GATAD2B: variants seen among roughly 807,000 people sequenced by gnomAD.
GATAD2B encodes GATA zinc finger domain containing 2B.
Under a neutral mutation model 64.3 loss-of-function variants are expected in GATAD2B, and 8 were observed. The ratio of observed to expected loss-of-function variants is 0.12; its 90% CI spans 0.07 to 0.22. The LOEUF (loss-of-function observed/expected upper bound fraction) is 0.22, where lower values mean the gene tolerates loss of function less well. Among genes scored for constraint, GATAD2B ranks in the 10% least tolerant of loss-of-function variants. The probability of loss-of-function intolerance (pLI) is 1.00; values close to 1 mark genes in which losing one functional copy is unlikely to be tolerated. For synonymous variants in GATAD2B, 281 were observed against 271.3 expected, an observed-to-expected ratio of 1.04 and a Z score of -0.35; for missense variants, 453 against 752.0, an observed-to-expected ratio of 0.60 and a Z score of 4.65.
chr1:153,902,993 G>T lies in GATAD2B; in HGVS notation c.-2+19740C>A, dbSNP rs1281182864. The stretch of plus-strand genomic sequence containing the variant: ...AGGACTTGGGGAGGCCGAGGCAGAG[G>T]GATCACAAGGTCAGGAGATTGAGAC... On this transcript the variant is annotated intron_variant, in intron 1 of 10. Coordinates refer to ENST00000368655, the MANE Select transcript of GATAD2B (RefSeq NM_020699.4). Among the ~76,000 whole-genome samples, 3 of 152,196 alleles carry T rather than the reference G, an allele frequency of 2.0e-5. No homozygotes were observed. The East Asian group carries it at 5.8e-4, about 29-fold the overall frequency.
chr1:153,879,606 T>C (rs1676945712), intron 1 of GATAD2B, among the ~76,000 whole-genome samples: 1 of 151,364 alleles, frequency 6.6e-6, no homozygotes, highest in South Asian at 2.1e-4. Flanking sequence ...CTACTAAAAA[T>C]ACAAAAATTA....
At chr1:153,898,211 A>T (rs1677658470) in intron 1 of GATAD2B, among the ~76,000 whole-genome samples, 1 of 148,858 alleles carries the variant, frequency 6.7e-6, no homozygotes, top group African/African-American at 2.5e-5. Flanking sequence ...GAGGCTAAGG[A>T]GAGAGAGGAT....
intron 1 of GATAD2B, among the ~76,000 whole-genome samples, chr1:153,859,694 A>G (rs556240114): frequency 6.6e-5 from 10 of 151,856 alleles, no homozygotes; most frequent in Non-Finnish European, 8.8e-5. Context: ...AAAAAAAAAA[A>G]AGACCATAGA....
At chr1:153,904,251 G>A (rs921365076) in intron 1 of GATAD2B, among the ~76,000 whole-genome samples, 3 of 151,770 alleles carry the variant, frequency 2.0e-5, no homozygotes, top group Non-Finnish European at 4.4e-5. Context: ...CTACACTCCA[G>A]CCTGGGTGAA....
chr1:153,871,749 G>C (rs1265032605), intron 1 of GATAD2B, among the ~76,000 whole-genome samples: 1 of 152,036 alleles, frequency 6.6e-6, no homozygotes, highest in Non-Finnish European at 1.5e-5. Flanking sequence ...GGGATTACAG[G>C]CATGAGACAC....
chr1:153,850,785 G>C (rs554908094), intron 1 of GATAD2B, among the ~76,000 whole-genome samples: 1 of 152,068 alleles, frequency 6.6e-6, no homozygotes, highest in East Asian at 2.0e-4. Context: ...GCCAGGCGTG[G>C]TGGTGTGCGC....
chr1:153,889,919 ATC>A (rs1341008625), intron 1 of GATAD2B, among the ~76,000 whole-genome samples: 1 of 152,054 alleles, frequency 6.6e-6, no homozygotes, highest in Non-Finnish European at 1.5e-5. Context: ...CACGCCTGTA[ATC>A]TCAGCACTTT....
intron 8 of GATAD2B, 110 bp downstream of exon 8, chr1:153,813,139 GA>G: frequency 2.6e-6 from 2 of 757,014 alleles, no homozygotes; most frequent in Non-Finnish European, 4.7e-6. Context: ...GACAAAAAGG[GA>G]ACCTGTGGAC....
intron 1 of GATAD2B, among the ~76,000 whole-genome samples, chr1:153,907,003 A>G (rs1677961944): frequency 6.6e-6 from 1 of 152,210 alleles, no homozygotes; most frequent in Non-Finnish European, 1.5e-5. Context: ...AATAATAACA[A>G]GTGTTGGCAG....
intron 1 of GATAD2B, among the ~76,000 whole-genome samples, chr1:153,918,749 T>TC (rs2101974179): frequency 6.6e-6 from 1 of 152,218 alleles, no homozygotes; most frequent in Admixed American, 6.5e-5. Flanking sequence ...GGTCAGGAGT[T>TC]CGAGACCAGC....
At chr1:153,897,898 T>C (rs1677645525) in intron 1 of GATAD2B, among the ~76,000 whole-genome samples, 1 of 150,844 alleles carries the variant, frequency 6.6e-6, no homozygotes, top group East Asian at 2.0e-4. Context: ...GTAATCCCGA[T>C]GCTTTGGAAG....
rs764166316 is a variant in GATAD2B, at chr1:153,818,148, T to C, written c.621A>G (p.Ala207=). Residue 207 remains alanine, a synonymous_variant, in exon 5 of 11, where the codon GCA becomes GCG. Coordinates refer to ENST00000368655, the MANE Select transcript of GATAD2B (RefSeq NM_020699.4). Reference sequence around the variant, plus strand: ...GGGCAGGAGATGGCTGAACAATAGATGCTGCATTCTGTACAACTGGAGTCT... The same window carrying C: ...GGGCAGGAGATGGCTGAACAATAGACGCTGCATTCTGTACAACTGGAGTCT... ...VQKTPVVQNA[A]SIVQPSPAHV... The C allele has an allele frequency of 1.9e-6, 3 of 1,611,350 alleles. No homozygotes were observed. Among genetic ancestry groups the C allele is most frequent in the South Asian group, 2.2e-5 (2 of 90,682 alleles).
At chr1:153,869,164 T>G (rs1174506947) in intron 1 of GATAD2B, among the ~76,000 whole-genome samples, 1 of 151,762 alleles carries the variant, frequency 6.6e-6, no homozygotes, top group Non-Finnish European at 1.5e-5. Flanking sequence ...TGATGGTGGG[T>G]GCCTGTAGTC....
intron 1 of GATAD2B, among the ~76,000 whole-genome samples, chr1:153,881,313 A>G (rs544427568): frequency 6.6e-6 from 1 of 152,258 alleles, no homozygotes; most frequent in South Asian, 2.1e-4. Context: ...GCTACAGACA[A>G]AAGAAATTTT....
intron 1 of GATAD2B, among the ~76,000 whole-genome samples, chr1:153,851,291 G>A (rs1338278245): frequency 2.0e-5 from 3 of 152,016 alleles, no homozygotes; most frequent in Non-Finnish European, 2.9e-5. Context: ...ATTTTATTTT[G>A]GATAAATATC....
intron 7 of GATAD2B, among the ~76,000 whole-genome samples, chr1:153,814,837 G>A (rs1337385540): frequency 6.6e-6 from 1 of 151,696 alleles, no homozygotes; most frequent in South Asian, 2.1e-4. Context: ...TTGGCCAGGT[G>A]TGGTGGCAGG....
At chr1:153,815,818 C>T (rs1463587291) in intron 7 of GATAD2B, among the ~76,000 whole-genome samples, 4 of 152,212 alleles carry the variant, frequency 2.6e-5, no homozygotes, top group East Asian at 3.9e-4. Flanking sequence ...TTTAGGAAGC[C>T]GAGGTGGGCA....
intron 1 of GATAD2B, among the ~76,000 whole-genome samples, chr1:153,883,619 G>T (rs562179696): frequency 1.1e-4 from 17 of 152,152 alleles, no homozygotes; most frequent in South Asian, 2.1e-4. Context: ...GTTGATGATG[G>T]TAAGTATGAT....
chr1:153,856,638 G>A lies in GATAD2B; in HGVS notation c.-1-28290C>T, dbSNP rs200947187. Among the ~76,000 whole-genome samples, 48 of 152,084 alleles carry A rather than the reference G, an allele frequency of 3.2e-4. No homozygotes were observed. In the East Asian group the frequency reaches 6.4e-3, roughly 20 times the overall value. Reference sequence around the variant, plus strand: ...TTTTCTAAAAATGTCTACTGAGCACGGTAGCACACACCTGTAATCCCAGCA... The same window carrying A: ...TTTTCTAAAAATGTCTACTGAGCACAGTAGCACACACCTGTAATCCCAGCA... On this transcript the variant is annotated intron_variant, in intron 1 of 10. Coordinates refer to ENST00000368655, the MANE Select transcript of GATAD2B (RefSeq NM_020699.4).
Sources: allele counts gnomAD v4.1 joint callset (sites outside exome capture counted in the v4.1 genomes callset), GRCh38; gene constraint gnomAD v4.1.1; transcripts MANE v1.5; gene names NCBI Gene and HGNC (gene_info 2026-07-23, HGNC 2026-07-21).